REPS1: variants seen among roughly 807,000 people sequenced by gnomAD.
The protein encoded by REPS1 is ralBP1-associated Eps domain-containing protein 1.
In REPS1, 39 loss-of-function variants were observed where a neutral mutation model predicts 100.9. That is an observed-to-expected ratio of 0.39 (90% CI 0.30 to 0.50). The LOEUF (loss-of-function observed/expected upper bound fraction) is 0.50, where lower values mean the gene tolerates loss of function less well. REPS1 is among the 20% of genes least tolerant of loss of function. REPS1 has a pLI of 0.86. For synonymous variants in REPS1, 324 were observed against 340.3 expected (o/e 0.95, Z 0.53); for missense variants, 821 against 968.5 (o/e 0.85, Z 2.02).
intron 8 of REPS1, among the ~76,000 whole-genome samples, chr6:138,936,458 CTATT>C (rs1191747815): frequency 6.6e-6 from 1 of 151,964 alleles, no homozygotes; most frequent in Non-Finnish European, 1.5e-5. Context: ...GATTTGAGTT[CTATT>C]TATTTTGACC....
At chr6:138,945,185 A>C in intron 4 of REPS1, 34 bp downstream of exon 4, 1 of 1,555,668 alleles carries the variant, frequency 6.4e-7, no homozygotes, top group South Asian at 1.2e-5. Flanking sequence ...CCTGGGCAAC[A>C]CAATGACACT....
chr6:138,980,099 T>C (rs998829024), intron 1 of REPS1, among the ~76,000 whole-genome samples: 3 of 152,202 alleles, frequency 2.0e-5, no homozygotes, highest in African/African-American at 7.2e-5. Flanking sequence ...AGCAACATCC[T>C]TGAGTTCTTT....
In REPS1 at chr6:138,949,675, G is replaced by A. The variant is rs139723361; in HGVS notation, c.154-1762C>T. Among the ~76,000 whole-genome samples the A allele has an allele frequency of 1.3e-3, 193 of 151,856 alleles. 2 individuals are homozygous for A. Among genetic ancestry groups the A allele is most frequent in the Admixed American group, 0.011 (165 of 15,256 alleles). On this transcript the variant is annotated intron_variant, in intron 1 of 19. Transcript: ENST00000450536. Reference sequence around the variant, plus strand: ...CGGGAGATGGAGGTTGCAGTGAGCCGAGATCATGCCACTGCCCTCCAGACT... The same window carrying A: ...CGGGAGATGGAGGTTGCAGTGAGCCAAGATCATGCCACTGCCCTCCAGACT...
At chr6:138,953,163 C>T (rs1178337838) in intron 1 of REPS1, among the ~76,000 whole-genome samples, 1 of 152,004 alleles carries the variant, frequency 6.6e-6, no homozygotes, top group Non-Finnish European at 1.5e-5. Context: ...AAATTAGATG[C>T]CTACCTCTCA....
At chr6:138,955,597 T>C (rs1783335311) in intron 1 of REPS1, among the ~76,000 whole-genome samples, 1 of 151,916 alleles carries the variant, frequency 6.6e-6, no homozygotes, top group Non-Finnish European at 1.5e-5. Context: ...AATGTTTTCC[T>C]TAACTTTACT....
At chr6:138,930,680 T>C (rs1176407566) in intron 8 of REPS1, among the ~76,000 whole-genome samples, 1 of 152,134 alleles carries the variant, frequency 6.6e-6, no homozygotes, top group Non-Finnish European at 1.5e-5. Context: ...TGCCAATTTA[T>C]ACTAATTCAC....
intron 7 of REPS1, among the ~76,000 whole-genome samples, chr6:138,941,800 G>A (rs1284382031): frequency 6.6e-6 from 1 of 152,166 alleles, no homozygotes; most frequent in Non-Finnish European, 1.5e-5. Flanking sequence ...ATTTTTAGAA[G>A]GCATACGTAA....
At chr6:138,954,208 T>G (rs947239199) in intron 1 of REPS1, among the ~76,000 whole-genome samples, 1 of 151,892 alleles carries the variant, frequency 6.6e-6, no homozygotes, top group Admixed American at 6.6e-5. Flanking sequence ...AAGGAGAGAT[T>G]TGTTAAGGGA....
At chr6:138,919,367 G>C (rs982166114) in intron 12 of REPS1, among the ~76,000 whole-genome samples, 1 of 152,004 alleles carries the variant, frequency 6.6e-6, no homozygotes, top group African/African-American at 2.4e-5. Flanking sequence ...GTTTTGTCTC[G>C]CCTTCTTTTG....
intron 1 of REPS1, among the ~76,000 whole-genome samples, chr6:138,962,936 C>G (rs1362120715): frequency 6.6e-6 from 1 of 152,154 alleles, no homozygotes; most frequent in African/African-American, 2.4e-5. Context: ...ACAAGATTAA[C>G]AGTCCTAAAG....
At chr6:138,975,336 A>C (rs1356622710) in intron 1 of REPS1, among the ~76,000 whole-genome samples, 2 of 152,222 alleles carry the variant, frequency 1.3e-5, no homozygotes, top group East Asian at 3.8e-4. Flanking sequence ...CAAATTAATT[A>C]TCCAGTGAAA....
intron 1 of REPS1, among the ~76,000 whole-genome samples, chr6:138,979,934 A>C (rs1219939398): frequency 6.6e-6 from 1 of 152,082 alleles, no homozygotes; most frequent in East Asian, 1.9e-4. Context: ...CTCAAGATGT[A>C]TAGATCTCTC....
At chr6:138,911,254 T>C in intron 17 of REPS1, 22 bp downstream of exon 17, 7 of 1,455,850 alleles carry the variant, frequency 4.8e-6, no homozygotes, top group Non-Finnish European at 6.7e-6. Context: ...AAAATTATTA[T>C]TATAAAAGAC....
At chr6:138,913,076 G>A (rs997536139) in intron 15 of REPS1, 126 bp from the exon 16 acceptor site, 14 of 693,002 alleles carry the variant, frequency 2.0e-5, no homozygotes, top group African/African-American at 3.6e-5. Context: ...TAAGTTCAGA[G>A]AGGTGTATTA....
rs530851006 is a variant in REPS1 at position 138,920,089 on chromosome 6, C to A, written c.1528+126G>T. 1.5e-4 allele frequency: 81 copies of A among 539,480 alleles called. No individual in the cohort carries two copies. The East Asian group carries it at 2.3e-3, about 15-fold the overall frequency. The allele number at this position is 539,480 out of a possible 1,614,324, so 33.4% of individuals were successfully genotyped here. A position where few individuals can be genotyped will look rare whatever the true frequency, so the allele number is the denominator to read the frequency against. ...TTATTCACTGATAGGGCAAAGTGTT[C>A]GAAAGGGTTCACTCTCCTCTACTTT... On this transcript the variant is annotated intron_variant, in intron 12 of 19. Transcript: ENST00000450536.
At chr6:138,929,803 T>C (rs1032165975) in intron 9 of REPS1, 174 bp downstream of exon 9, 5 of 568,680 alleles carry the variant, frequency 8.8e-6, no homozygotes, top group African/African-American at 1.9e-5. Flanking sequence ...ACAGAATATA[T>C]ACTTTGAAAA....
chr6:138,965,106 A>T (rs1783942403), intron 1 of REPS1, among the ~76,000 whole-genome samples: 1 of 152,130 alleles, frequency 6.6e-6, no homozygotes, highest in Non-Finnish European at 1.5e-5. Flanking sequence ...GGAAATATAA[A>T]CTCCCACTGT....
intron 17 of REPS1, chr6:138,909,030 A>C (rs1352923763): frequency 1.2e-5 from 6 of 511,262 alleles, no homozygotes; most frequent in Non-Finnish European, 2.1e-5. Flanking sequence ...ATGTACCTGC[A>C]ATATAAGTAT....
intron 1 of REPS1, among the ~76,000 whole-genome samples, chr6:138,958,498 G>A (rs982990382): frequency 1.2e-4 from 12 of 101,062 alleles, no homozygotes; most frequent in Non-Finnish European, 7.2e-5. Flanking sequence ...ACCTCCCCTC[G>A]CCCCCCACTC....
Sources: gnomAD v4.1 joint callset for allele counts (sites outside exome capture counted in the v4.1 genomes callset) on GRCh38, gnomAD v4.1.1 for gene constraint, MANE v1.5 for transcripts, NCBI Gene and HGNC (gene_info 2026-07-23, HGNC 2026-07-21) for gene names.